Variants in PKN2 observed in about 807,000 individuals in gnomAD.
The protein encoded by PKN2 is serine/threonine-protein kinase N2.
In PKN2, 38 loss-of-function variants were observed where a neutral mutation model predicts 119.1. That is an observed-to-expected ratio of 0.32 (90% confidence interval 0.25 to 0.42). The LOEUF (loss-of-function observed/expected upper bound fraction) is 0.42, where lower values mean the gene tolerates loss of function less well. Among genes scored for constraint, PKN2 ranks in the 10% least tolerant of loss-of-function variants. The probability of loss-of-function intolerance (pLI) is 1.00; values close to 1 mark genes in which losing one functional copy is unlikely to be tolerated. For synonymous variants in PKN2, 390 were observed against 384.9 expected (o/e 1.01, Z -0.15); for missense variants, 850 against 1,165.1 (o/e 0.73, Z 3.94).
chr1:88,744,314 T>TGTG (rs1347434439), intron 2 of PKN2, among the ~76,000 whole-genome samples: 2 of 152,214 alleles, frequency 1.3e-5, no homozygotes, highest in Non-Finnish European at 2.9e-5. Context: ...CCTGTTGTCT[T>TGTG]GTGGGTACAT....
chr1:88,749,805 A>G (rs915526482), intron 2 of PKN2, among the ~76,000 whole-genome samples: 1 of 152,240 alleles, frequency 6.6e-6, no homozygotes, highest in African/African-American at 2.4e-5. Flanking sequence ...GTGATTTTGT[A>G]TATTAACCTT....
intron 1 of PKN2, among the ~76,000 whole-genome samples, chr1:88,709,615 C>T (rs750423997): frequency 1.3e-5 from 2 of 152,092 alleles, no homozygotes; most frequent in South Asian, 4.1e-4. Context: ...ATATTAGGAA[C>T]ATATAGATCA....
intron 8 of PKN2, among the ~76,000 whole-genome samples, chr1:88,800,473 T>TTTA (rs59036513): frequency 0.067 from 10,141 of 152,158 alleles, 682 homozygotes; most frequent in African/African-American, 0.18. Context: ...GAAGTTGCTT[T>TTTA]TTATTGTTGA....
intron 2 of PKN2, among the ~76,000 whole-genome samples, 175 bp from the exon 3 acceptor site, chr1:88,760,046 GT>G (rs11358635): frequency 0.086 from 11,718 of 135,508 alleles, 995 homozygotes; most frequent in African/African-American, 0.23. Context: ...TCAGATACGT[GT>G]TTTTTTTTTT....
At chr1:88,827,624 CT>C (rs1672554088) in intron 18 of PKN2, among the ~76,000 whole-genome samples, 2 of 140,814 alleles carry the variant, frequency 1.4e-5, no homozygotes, top group Non-Finnish European at 3.0e-5. Context: ...CTTCCCTTCC[CT>C]TCCCTTCCCT....
Position 88,771,123 on chromosome 1 carries a change from A to G in PKN2, c.623-298A>G, listed in dbSNP as rs305216. ...TATTTATTTTTTAATTCCAGAAGAAATCTTTAAAGCTAGTTGCTAAGAGTA... is the reference window on the plus strand; with the variant it reads ...TATTTATTTTTTAATTCCAGAAGAAGTCTTTAAAGCTAGTTGCTAAGAGTA... On this transcript the variant is annotated intron_variant, in intron 4 of 21. Coordinates refer to ENST00000370521, the MANE Select transcript of PKN2 (RefSeq NM_006256.4). Among the ~76,000 whole-genome samples the G allele has an allele frequency of 9.2e-3, 1,405 of 152,148 alleles. 15 individuals carry two copies. Among genetic ancestry groups the G allele is most frequent in the African/African-American group, 0.032 (1,310 of 41,526 alleles).
intron 16 of PKN2, among the ~76,000 whole-genome samples, chr1:88,818,956 T>C (rs910852287): frequency 8.1e-5 from 12 of 148,242 alleles, no homozygotes; most frequent in Non-Finnish European, 1.3e-4. Context: ...ATAAATGGTG[T>C]TGGGAAAACT....
chr1:88,688,880 T>C (rs1280596914), intron 1 of PKN2, among the ~76,000 whole-genome samples: 1 of 152,248 alleles, frequency 6.6e-6, no homozygotes, highest in East Asian at 1.9e-4. Context: ...AAGTTCATTA[T>C]AATCTTTGAC....
chr1:88,804,311 AT>A (rs1450115913), intron 8 of PKN2, 79 bp from the exon 9 acceptor site: 73 of 1,109,804 alleles, frequency 6.6e-5, no homozygotes, highest in African/African-American at 1.6e-5. Context: ...TGTATTTCAT[AT>A]TTTTTGTGAT....
intron 8 of PKN2, 150 bp downstream of exon 8, chr1:88,786,363 T>C: frequency 1.8e-6 from 1 of 542,668 alleles, no homozygotes; most frequent in East Asian, 3.0e-5. Context: ...CAATGAGTTA[T>C]GCATAAATCT....
At chr1:88,817,448 C>T (rs1042879244) in intron 16 of PKN2, among the ~76,000 whole-genome samples, 1 of 150,048 alleles carries the variant, frequency 6.7e-6, no homozygotes, top group East Asian at 2.0e-4. Context: ...TGGCTCATGC[C>T]TGTAATCCCA....
chr1:88,812,211 C>T (rs1022300079), intron 15 of PKN2, among the ~76,000 whole-genome samples: 6 of 152,128 alleles, frequency 3.9e-5, no homozygotes, highest in East Asian at 1.9e-4. Context: ...GAGCCTTGCT[C>T]CTTTATCTCG....
Position 88,834,606 on chromosome 1 carries a change from CAG to C in PKN2, c.*1160_*1161del, listed in dbSNP as rs1481871070. On this transcript the variant is annotated 3_prime_UTR_variant, in exon 22 of 22. Coordinates refer to ENST00000370521, the MANE Select transcript of PKN2 (RefSeq NM_006256.4). ...TGAGGGCAAAAGCAATATATTGTAA[CAG>C]AATGTATAAATATTTTTGATAAAAC... The C allele has an allele frequency of 6.6e-5, 10 of 152,344 alleles. No homozygotes were observed. The highest frequency in any genetic ancestry group is 1.2e-4 in the African/African-American group (5 of 41,404). The allele number at this position is 152,344 out of a possible 1,614,324, so 9.4% of individuals were successfully genotyped here.
At chr1:88,724,882 G>GTT (rs60507382) in intron 1 of PKN2, among the ~76,000 whole-genome samples, 58 of 105,962 alleles carry the variant, frequency 5.5e-4, no homozygotes, top group Middle Eastern at 4.9e-3. Flanking sequence ...CCACCCCTTG[G>GTT]TTTTTTTTTT....
chr1:88,783,796 A>C (rs1254689684), intron 6 of PKN2, among the ~76,000 whole-genome samples: 1 of 152,194 alleles, frequency 6.6e-6, no homozygotes, highest in Non-Finnish European at 1.5e-5. Flanking sequence ...TTATTTGCCT[A>C]AATAAATTGA....
At chr1:88,774,273 A>G (rs774387185) in intron 6 of PKN2, among the ~76,000 whole-genome samples, 1 of 152,196 alleles carries the variant, frequency 6.6e-6, no homozygotes, top group East Asian at 1.9e-4. Context: ...CTTTGTTAAC[A>G]TAGGTGTGAT....
At chr1:88,818,275 G>A (rs1476260569) in intron 16 of PKN2, among the ~76,000 whole-genome samples, 1 of 152,174 alleles carries the variant, frequency 6.6e-6, no homozygotes, top group African/African-American at 2.4e-5. Context: ...TCTTGAAAAT[G>A]GCCATACTGC....
rs138563629 is a variant in PKN2 at position 88,756,057 on chromosome 1, G to A, written c.350-4165G>A. 5.4e-3 allele frequency among the ~76,000 whole-genome samples: 823 copies of A among 151,816 alleles called. 7 individuals carry two copies. The highest frequency in any genetic ancestry group is 0.019 in the African/African-American group (786 of 41,386). On this transcript the variant is annotated intron_variant, in intron 2 of 21. Transcript: ENST00000370521. ...CTCCCTAGTATCTGGGACTACAGACGTGTGCCACCACACCCAGCTAATTTT... is the reference window on the plus strand; with the variant it reads ...CTCCCTAGTATCTGGGACTACAGACATGTGCCACCACACCCAGCTAATTTT...
intron 1 of PKN2, among the ~76,000 whole-genome samples, chr1:88,699,832 G>C (rs952400860): frequency 6.6e-6 from 1 of 151,650 alleles, no homozygotes; most frequent in African/African-American, 2.4e-5. Flanking sequence ...GTCGAGGCTA[G>C]AATGCAGTGG....
Sources: gnomAD v4.1 joint callset for allele counts (sites outside exome capture counted in the v4.1 genomes callset) on GRCh38, gnomAD v4.1.1 for gene constraint, MANE v1.5 for transcripts, NCBI Gene and HGNC (gene_info 2026-07-23, HGNC 2026-07-21) for gene names.